Variants in MAML3 observed in about 807,000 individuals in gnomAD.
MAML3 encodes mastermind like transcriptional coactivator 3.
In MAML3, 27 loss-of-function variants were observed where a neutral mutation model predicts 101.9. That is an observed-to-expected ratio of 0.27 (90% CI 0.20 to 0.37). The LOEUF (loss-of-function observed/expected upper bound fraction) is 0.37. MAML3 is among the 10% of genes least tolerant of loss of function. MAML3 has a pLI of 1.00. For missense variants in MAML3, 1,316 were observed against 1,444.9 expected, an observed-to-expected ratio of 0.91 and a Z score of 1.45; for synonymous variants, 501 against 555.9, an observed-to-expected ratio of 0.90 and a Z score of 1.39.
chr4:140,124,056 T>G (rs1270096977), intron 1 of MAML3, among the ~76,000 whole-genome samples: 6 of 152,226 alleles, frequency 3.9e-5, no homozygotes, highest in Non-Finnish European at 8.8e-5. Context: ...TTTCCAAACA[T>G]ATATCAGTAA....
chr4:139,902,816 C>T (rs984377520), intron 1 of MAML3, among the ~76,000 whole-genome samples: 6 of 152,238 alleles, frequency 3.9e-5, no homozygotes, highest in African/African-American at 1.4e-4. Context: ...CACAACCTCA[C>T]TGACTTCTGT....
At chr4:140,033,857 G>A (rs1458844806) in intron 1 of MAML3, among the ~76,000 whole-genome samples, 1 of 152,218 alleles carries the variant, frequency 6.6e-6, no homozygotes, top group Admixed American at 6.5e-5. Flanking sequence ...GCAGTGCTAT[G>A]AGACTTTTTT....
chr4:140,042,727 T>C (rs1432440803), intron 1 of MAML3, among the ~76,000 whole-genome samples: 1 of 152,026 alleles, frequency 6.6e-6, no homozygotes, highest in Non-Finnish European at 1.5e-5. Flanking sequence ...GACAAGACAG[T>C]GTTGCGGGGA....
At chr4:140,094,746 A>T (rs1413160524) in intron 1 of MAML3, among the ~76,000 whole-genome samples, 3 of 152,212 alleles carry the variant, frequency 2.0e-5, no homozygotes, top group Non-Finnish European at 4.4e-5. Context: ...CAAGCTGAAC[A>T]AACTATTTGA....
At chr4:139,818,359 G>A (rs1439111337) in intron 2 of MAML3, among the ~76,000 whole-genome samples, 1 of 152,212 alleles carries the variant, frequency 6.6e-6, no homozygotes, top group Admixed American at 6.5e-5. Flanking sequence ...TTAAACTCCT[G>A]TGCCTGTGGT....
At chr4:139,933,049 G>A (rs533698860) in intron 1 of MAML3, among the ~76,000 whole-genome samples, 2 of 152,274 alleles carry the variant, frequency 1.3e-5, no homozygotes, top group South Asian at 2.1e-4. Flanking sequence ...GACAGGCCAA[G>A]GGAGGGGTTG....
intron 1 of MAML3, among the ~76,000 whole-genome samples, chr4:140,143,392 G>T (rs760788947): frequency 2.6e-5 from 4 of 152,184 alleles, no homozygotes; most frequent in Non-Finnish European, 5.9e-5. Flanking sequence ...AATATGCCTA[G>T]CATTTGTGCA....
chr4:139,796,113 C>T (rs1037714547), intron 2 of MAML3, among the ~76,000 whole-genome samples: 3 of 152,122 alleles, frequency 2.0e-5, no homozygotes, highest in Non-Finnish European at 4.4e-5. Flanking sequence ...TTCTAGAATG[C>T]CATTTCTGTA....
At chr4:139,894,558 A>AGAAAGAAG (rs1491423037) in intron 1 of MAML3, among the ~76,000 whole-genome samples, 2 of 151,964 alleles carry the variant, frequency 1.3e-5, no homozygotes, top group Non-Finnish European at 2.9e-5. Flanking sequence ...AAAGAAAGAA[A>AGAAAGAAG]GAAAGAAAAG....
intron 1 of MAML3, among the ~76,000 whole-genome samples, chr4:140,117,962 G>A (rs74501230): frequency 9.9e-5 from 15 of 151,760 alleles, no homozygotes; most frequent in African/African-American, 2.9e-4. Context: ...AGATAACCAC[G>A]CATGGTAATA....
intron 1 of MAML3, among the ~76,000 whole-genome samples, chr4:139,931,127 C>T (rs1231463445): frequency 6.6e-6 from 1 of 151,880 alleles, no homozygotes; most frequent in Non-Finnish European, 1.5e-5. Flanking sequence ...ATTTGTGAGC[C>T]CAGTGTGAAA....
At chr4:139,766,373 T>C (rs764118769) in intron 2 of MAML3, among the ~76,000 whole-genome samples, 3 of 152,174 alleles carry the variant, frequency 2.0e-5, no homozygotes, top group Non-Finnish European at 4.4e-5. Flanking sequence ...GGTTTCACCA[T>C]GTTGGCCAGG....
At chr4:139,973,216 C>T (rs1478831101) in intron 1 of MAML3, among the ~76,000 whole-genome samples, 1 of 152,210 alleles carries the variant, frequency 6.6e-6, no homozygotes, top group Non-Finnish European at 1.5e-5. Flanking sequence ...TAGGGCCAGG[C>T]CGTGGGTCAC....
chr4:139,963,913 C>G (rs1734075201), intron 1 of MAML3, among the ~76,000 whole-genome samples: 1 of 152,158 alleles, frequency 6.6e-6, no homozygotes, highest in African/African-American at 2.4e-5. Context: ...AGGAGACAAC[C>G]CTGCCATATG....
intron 1 of MAML3, among the ~76,000 whole-genome samples, chr4:140,053,376 T>C (rs1372909916): frequency 2.6e-5 from 4 of 152,166 alleles, no homozygotes; most frequent in Non-Finnish European, 5.9e-5. Flanking sequence ...ACATCTGGCT[T>C]TCCCATTCCC....
chr4:140,056,069 C>T (rs937229972), intron 1 of MAML3, among the ~76,000 whole-genome samples: 3 of 152,148 alleles, frequency 2.0e-5, no homozygotes, highest in Non-Finnish European at 4.4e-5. Flanking sequence ...CTGGGAGCCC[C>T]AGACACTGAC....
At chr4:139,888,639 T>A (rs1178958793) in intron 2 of MAML3, 2 of 518,906 alleles carry the variant, frequency 3.9e-6, no homozygotes, top group East Asian at 5.4e-5. Flanking sequence ...CAACCTCCCA[T>A]GAAGGAGGAC....
intron 1 of MAML3, among the ~76,000 whole-genome samples, chr4:140,046,864 A>G (rs1560876607): frequency 6.6e-6 from 1 of 152,114 alleles, no homozygotes; most frequent in Non-Finnish European, 1.5e-5. Context: ...TATATTATAT[A>G]TTTATTTGAG....
intron 2 of MAML3, among the ~76,000 whole-genome samples, chr4:139,882,544 G>A (rs866136821): frequency 6.6e-6 from 1 of 152,108 alleles, no homozygotes; most frequent in Non-Finnish European, 1.5e-5. Context: ...AATTAAATGT[G>A]TTTTCTAAAC....
Sources: allele counts gnomAD v4.1 joint callset (sites outside exome capture counted in the v4.1 genomes callset), GRCh38; gene constraint gnomAD v4.1.1; transcripts MANE v1.5; gene names NCBI Gene and HGNC (gene_info 2026-07-23, HGNC 2026-07-21).